ABCC4: variants seen among roughly 807,000 people sequenced by gnomAD.
The protein encoded by ABCC4 is ATP binding cassette subfamily C member 4 (PEL blood group).
In ABCC4, 102 loss-of-function variants were observed where a neutral mutation model predicts 168.5. That is an observed-to-expected ratio of 0.61 (90% CI 0.52 to 0.71). The LOEUF (loss-of-function observed/expected upper bound fraction) is 0.71. Ranked by LOEUF, ABCC4 falls within the 30% of genes least tolerant of loss-of-function variation. The pLI, the probability that ABCC4 is intolerant of heterozygous loss-of-function variation, is 0.00. For synonymous variants in ABCC4, 617 were observed against 590.7 expected, an observed-to-expected ratio of 1.04 and a Z score of -0.65; for missense variants, 1,402 against 1,605.8, an observed-to-expected ratio of 0.87 and a Z score of 2.17.
At chr13:95,265,009 C>T (rs1159624392) in intron 1 of ABCC4, among the ~76,000 whole-genome samples, 3 of 151,894 alleles carry the variant, frequency 2.0e-5, no homozygotes, top group Non-Finnish European at 4.4e-5. Flanking sequence ...GCTGGGACTA[C>T]AGGTGTGCAC....
rs558450601 is a variant in ABCC4 at position 95,106,331 on chromosome 13, G to A, written c.2535+9591C>T. The stretch of plus-strand genomic sequence containing the variant: ...TAATTGCTTCTTGAGGGGTATGTGC[G>A]TGTGTGTGCGTATATATGTGCGCGT... On this transcript the variant is annotated intron_variant, in intron 20 of 30. Coordinates refer to ENST00000645237, the MANE Select transcript of ABCC4 (RefSeq NM_005845.5). 1.5e-4 allele frequency among the ~76,000 whole-genome samples: 22 copies of A among 150,690 alleles called. No individual in the cohort carries two copies. In the South Asian group the frequency reaches 4.0e-3, roughly 27 times the overall value.
At chr13:95,256,265 G>A (rs530656210) in intron 1 of ABCC4, among the ~76,000 whole-genome samples, 2 of 152,278 alleles carry the variant, frequency 1.3e-5, no homozygotes, top group East Asian at 3.9e-4. Flanking sequence ...TATTTCTGCA[G>A]CCCAAGTTAT....
intron 18 of ABCC4, among the ~76,000 whole-genome samples, chr13:95,162,711 C>A (rs1181118261): frequency 6.6e-6 from 1 of 152,162 alleles, no homozygotes; most frequent in African/African-American, 2.4e-5. Context: ...AGGATTTCAT[C>A]CAAGTTCAAT....
chr13:95,205,004 G>A (rs1000086022), intron 8 of ABCC4, among the ~76,000 whole-genome samples: 2 of 152,160 alleles, frequency 1.3e-5, no homozygotes, highest in African/African-American at 4.8e-5. Flanking sequence ...TGCACACTCA[G>A]AAAGATACTC....
At chr13:95,224,712 G>T (rs1293240057) in intron 4 of ABCC4, among the ~76,000 whole-genome samples, 1 of 151,592 alleles carries the variant, frequency 6.6e-6, no homozygotes, top group Non-Finnish European at 1.5e-5. Flanking sequence ...ACTCCAGTCT[G>T]GGTGACAGAG....
chr13:95,273,308 GGTGCGA>G (rs2040889037), intron 1 of ABCC4, among the ~76,000 whole-genome samples: 1 of 152,160 alleles, frequency 6.6e-6, no homozygotes, highest in East Asian at 1.9e-4. Flanking sequence ...GTGAGGTTCA[GGTGCGA>G]GTGTGTTTTG....
At chr13:95,110,851 C>T (rs2035178293) in intron 20 of ABCC4, among the ~76,000 whole-genome samples, 1 of 151,418 alleles carries the variant, frequency 6.6e-6, no homozygotes, top group Admixed American at 6.6e-5. Context: ...ACTTGTAGTC[C>T]CAGCTACTCG....
chr13:95,063,424 GGT>G (rs140072820), intron 25 of ABCC4, among the ~76,000 whole-genome samples: 3,220 of 152,084 alleles, frequency 0.021, 103 homozygotes, highest in African/African-American at 0.071. Context: ...CATATTCTTT[GGT>G]AGAGAAACTT....
chr13:95,047,234 C>A (rs2032614669), intron 27 of ABCC4, among the ~76,000 whole-genome samples: 1 of 152,134 alleles, frequency 6.6e-6, no homozygotes, highest in Non-Finnish European at 1.5e-5. Flanking sequence ...ATGAGTCCTG[C>A]CTGGCTCTGC....
intron 4 of ABCC4, among the ~76,000 whole-genome samples, chr13:95,221,078 G>C (rs768208362): frequency 5.3e-5 from 8 of 152,200 alleles, no homozygotes; most frequent in South Asian, 2.1e-4. Flanking sequence ...TGCGAAGTGA[G>C]ATAAGCCACT....
Position 95,127,170 on chromosome 13 carries a change from G to A in ABCC4, c.2456-11169C>T, listed in dbSNP as rs142652819. Among the ~76,000 whole-genome samples the A allele has an allele frequency of 1.2e-3, 184 of 152,026 alleles. 1 individual carries two copies. Among genetic ancestry groups the A allele is most frequent in the African/African-American group, 4.2e-3 (175 of 41,468 alleles). ...TGGCGTTCACCAGTCATTTCTAAAC[G>A]CAGCAGCCAGCTTTTCCCTCATCCT... is the stretch of plus-strand genomic sequence containing the variant. On this transcript the variant is annotated intron_variant, in intron 19 of 30. Transcript: ENST00000645237.
intron 9 of ABCC4, among the ~76,000 whole-genome samples, chr13:95,192,334 G>A (rs566112168): frequency 1.3e-5 from 2 of 151,556 alleles, no homozygotes; most frequent in South Asian, 2.1e-4. Flanking sequence ...CCTCTCAGCC[G>A]CAGGACCTCC....
At chr13:95,172,782 CTT>C (rs77881713) in intron 13 of ABCC4, among the ~76,000 whole-genome samples, 22,090 of 151,758 alleles carry the variant, frequency 0.15, 1,674 homozygotes, top group Non-Finnish European at 0.18. Flanking sequence ...AAACACGAAA[CTT>C]AGCCAGGAGT....
intron 19 of ABCC4, among the ~76,000 whole-genome samples, chr13:95,159,105 A>T (rs1352811085): frequency 8.5e-6 from 1 of 117,512 alleles, no homozygotes; most frequent in Non-Finnish European, 1.9e-5. Context: ...ATATATATAT[A>T]TATATATATA....
intron 18 of ABCC4, 117 bp downstream of exon 18, chr13:95,163,005 G>A: frequency 1.4e-6 from 1 of 709,658 alleles, no homozygotes; most frequent in Non-Finnish European, 2.5e-6. Context: ...AAATTCGACT[G>A]AGACTCCTGA....
At chr13:95,076,816 G>A (rs976107439) in intron 21 of ABCC4, among the ~76,000 whole-genome samples, 2 of 152,028 alleles carry the variant, frequency 1.3e-5, no homozygotes, top group Non-Finnish European at 2.9e-5. Context: ...GCTGGGTGCA[G>A]TGGTGTGATC....
At chr13:95,250,606 C>G (rs888713129) in intron 1 of ABCC4, among the ~76,000 whole-genome samples, 2 of 152,016 alleles carry the variant, frequency 1.3e-5, no homozygotes, top group Non-Finnish European at 2.9e-5. Context: ...CATTCTCCAC[C>G]CCAGGATCAC....
chr13:95,074,445 G>A, intron 22 of ABCC4, 121 bp from the exon 23 acceptor site: 1 of 680,282 alleles, frequency 1.5e-6, no homozygotes, highest in Admixed American at 2.8e-5. Flanking sequence ...CACACCCAAG[G>A]AACCTTTAGA....
In ABCC4 at chr13:95,215,533, G is replaced by A. The variant is rs948267760; in HGVS notation, c.532-4752C>T. Among the ~76,000 whole-genome samples, 39 of 152,174 alleles carry A rather than the reference G, an allele frequency of 2.6e-4. 1 individual carries two copies. The highest frequency in any genetic ancestry group is 9.2e-4 in the African/African-American group (38 of 41,452). On this transcript the variant is annotated intron_variant, in intron 4 of 30. Coordinates refer to ENST00000645237, the MANE Select transcript of ABCC4 (RefSeq NM_005845.5). Reference sequence around the variant, plus strand: ...CGACAATAGCACACAAGATGGGGAAGGTAATAGAATTTTACTGTTGCATAC... The same window carrying A: ...CGACAATAGCACACAAGATGGGGAAAGTAATAGAATTTTACTGTTGCATAC...
Sources: gnomAD v4.1 joint callset for allele counts (sites outside exome capture counted in the v4.1 genomes callset) on GRCh38, gnomAD v4.1.1 for gene constraint, MANE v1.5 for transcripts, NCBI Gene and HGNC (gene_info 2026-07-23, HGNC 2026-07-21) for gene names.